The following ZNF667 variants were observed in gnomAD, a reference collection of about 807,000 sequenced individuals.
ZNF667 encodes myocardial ischemic preconditioning upregulated 1 ortholog.
A neutral mutation model predicts 31.8 loss-of-function variants in ZNF667; 13 were observed. That is an observed-to-expected ratio of 0.41 (90% CI 0.27 to 0.65). The LOEUF (loss-of-function observed/expected upper bound fraction) is 0.65, where lower values mean the gene tolerates loss of function less well. ZNF667 is among the 30% of genes least tolerant of loss of function. The probability of loss-of-function intolerance (pLI) is 0.32; values close to 1 mark genes in which losing one functional copy is unlikely to be tolerated. For synonymous variants in ZNF667, 228 were observed against 247.1 expected (o/e 0.92, Z 0.73); for missense variants, 642 against 725.6 (o/e 0.88, Z 1.32).
At chr19:56,456,561 A>G (rs2042935224) in intron 6 of ZNF667, among the ~76,000 whole-genome samples, 1 of 152,226 alleles carries the variant, frequency 6.6e-6, no homozygotes, top group South Asian at 2.1e-4. Flanking sequence ...TCTTCTGCAA[A>G]GTAATTCAGA....
intron 5 of ZNF667, 147 bp downstream of exon 5, chr19:56,460,542 G>T (rs2043023571): frequency 8.9e-6 from 7 of 789,046 alleles, no homozygotes; most frequent in Non-Finnish European, 5.5e-6. Context: ...TACTTTTTAT[G>T]GGTGAATTGT....
intron 4 of ZNF667, among the ~76,000 whole-genome samples, chr19:56,462,045 G>A (rs2043056157): frequency 6.6e-6 from 1 of 152,246 alleles, no homozygotes; most frequent in Non-Finnish European, 1.5e-5. Flanking sequence ...CTCCACGGAG[G>A]ACATTTCTCT....
intron 3 of ZNF667, chr19:56,467,640 G>A (rs1340218876): frequency 6.6e-6 from 1 of 152,214 alleles, no homozygotes; most frequent in Non-Finnish European, 1.5e-5. Flanking sequence ...ATGTTTGACT[G>A]ACTGGCTTTA....
At chr19:56,461,491 A>G (rs1600438539) in intron 4 of ZNF667, among the ~76,000 whole-genome samples, 1 of 152,308 alleles carries the variant, frequency 6.6e-6, no homozygotes, top group South Asian at 2.1e-4. Flanking sequence ...CAAGTCTGGA[A>G]GAGGACCTGA....
At position 56,448,885 on chromosome 19, in the gene ZNF667, C is replaced by T. The variant is rs181147480; in HGVS notation, c.254-6144G>A. 3.3e-5 allele frequency among the ~76,000 whole-genome samples: 5 copies of T among 152,264 alleles called. No individual in the cohort carries two copies. The East Asian group carries it at 9.7e-4, about 29-fold the overall frequency. On this transcript the variant is annotated intron_variant, in intron 6 of 6. Transcript: ENST00000504904. The stretch of plus-strand genomic sequence containing the variant: ...AGTACTACGCTGGCTTCGGGTCAGA[C>T]CCAGCACAGTCCCAGTGTTGGTGGC...
chr19:56,466,844 C>T, intron 3 of ZNF667: 2 of 371,884 alleles, frequency 5.4e-6, no homozygotes, highest in Non-Finnish European at 1.1e-5. Flanking sequence ...ACAGCCCTAC[C>T]TTTAGTGAGT....
intron 6 of ZNF667, among the ~76,000 whole-genome samples, chr19:56,452,898 G>A (rs1323447352): frequency 2.0e-5 from 3 of 148,944 alleles, no homozygotes; most frequent in East Asian, 2.0e-4. Flanking sequence ...CAGCCTGGGT[G>A]ACAGAGCAAG....
chr19:56,463,253 T>C (rs1355785443), intron 3 of ZNF667, among the ~76,000 whole-genome samples: 1 of 152,062 alleles, frequency 6.6e-6, no homozygotes, highest in Non-Finnish European at 1.5e-5. Flanking sequence ...GGGTTAACTG[T>C]GTGTCAGAAG....
At chr19:56,472,709 TACATGTAACACACAA>T (rs2043318086) in intron 2 of ZNF667, 1 of 152,222 alleles carries the variant, frequency 6.6e-6, no homozygotes, top group Non-Finnish European at 1.5e-5. Flanking sequence ...GAGTATGCAA[TACATGTAACACACAA>T]AATATGTGTT....
intron 6 of ZNF667, among the ~76,000 whole-genome samples, chr19:56,453,054 A>G (rs2042867107): frequency 6.6e-6 from 1 of 152,196 alleles, no homozygotes; most frequent in Non-Finnish European, 1.5e-5. Context: ...TGCAACTGAT[A>G]CTACAGATAC....
At chr19:56,452,788 C>T (rs1290039832) in intron 6 of ZNF667, among the ~76,000 whole-genome samples, 5 of 151,726 alleles carry the variant, frequency 3.3e-5, no homozygotes, top group South Asian at 4.2e-4. Context: ...GGCGTGGTGG[C>T]GGACGCTTGT....
chr19:56,462,466 G>T, intron 3 of ZNF667, 37 bp from the exon 4 acceptor site: 2 of 1,420,960 alleles, frequency 1.4e-6, no homozygotes, highest in Non-Finnish European at 2.0e-6. Flanking sequence ...CAGTGCCAGA[G>T]TCCACAGGCC....
At chr19:56,451,221 A>T (rs929110888) in intron 6 of ZNF667, among the ~76,000 whole-genome samples, 1 of 152,212 alleles carries the variant, frequency 6.6e-6, no homozygotes, top group African/African-American at 2.4e-5. Context: ...AAGTATGGAA[A>T]GATACAAAGA....
At chr19:56,464,510 A>G (rs1201687328) in intron 3 of ZNF667, among the ~76,000 whole-genome samples, 1 of 152,192 alleles carries the variant, frequency 6.6e-6, no homozygotes, top group East Asian at 1.9e-4. Context: ...AAAGCAAAAC[A>G]AAACAAAATT....
intron 3 of ZNF667, among the ~76,000 whole-genome samples, chr19:56,463,505 T>A (rs1475922084): frequency 1.1e-4 from 16 of 152,136 alleles, no homozygotes. Context: ...ATAAAACTAG[T>A]GGAACTGAGG....
At chr19:56,476,400 G>C (rs1417713217) in intron 1 of ZNF667, among the ~76,000 whole-genome samples, 1 of 152,110 alleles carries the variant, frequency 6.6e-6, no homozygotes, top group Non-Finnish European at 1.5e-5. Flanking sequence ...AGATAGCCCA[G>C]TCCGAAGCTC....
At chr19:56,459,507 C>T (rs1051251291) in intron 5 of ZNF667, among the ~76,000 whole-genome samples, 5 of 152,210 alleles carry the variant, frequency 3.3e-5, no homozygotes, top group African/African-American at 9.6e-5. Context: ...AGGCAGCACA[C>T]TGCCCCCTCC....
chr19:56,466,152 T>G (rs566395789), intron 3 of ZNF667, among the ~76,000 whole-genome samples: 1 of 152,206 alleles, frequency 6.6e-6, no homozygotes, highest in Non-Finnish European at 1.5e-5. Flanking sequence ...CCAGGGAGCC[T>G]GGCCCTGGCT....
rs779735180 is a variant in ZNF667 at position 56,442,312 on chromosome 19, A to G, written c.683T>C (p.Leu228Pro). The stretch of plus-strand genomic sequence containing the variant: ...TTGACTCAAGGCCTTCCCACAGTCA[A>G]GAATTTCCTTTCCATCATGAATTCT... Reference protein sequence around the residue: ...HMRIHDGKEILDCGKALSQCQ... With the variant: ...HMRIHDGKEIPDCGKALSQCQ... Residue 228 changes from leucine to proline, a missense_variant, in exon 7 of 7, where the codon CTT becomes CCT. Physicochemically the swap from Leu to Pro is moderately conservative, Grantham distance 98. Transcript: ENST00000504904. 1.2e-6 allele frequency: 2 copies of G among 1,614,006 alleles called. No homozygotes were observed. Among genetic ancestry groups the G allele is most frequent in the East Asian group, 4.5e-5 (2 of 44,876 alleles).
Sources: gnomAD v4.1 joint callset for allele counts (sites outside exome capture counted in the v4.1 genomes callset) on GRCh38, gnomAD v4.1.1 for gene constraint, MANE v1.5 for transcripts, NCBI Gene and HGNC (gene_info 2026-07-23, HGNC 2026-07-21) for gene names.